Variants in PPP1R17 observed in about 807,000 individuals in gnomAD.
PPP1R17 encodes protein phosphatase 1 regulatory subunit 17.
PPP1R17 carries 12 observed loss-of-function variants against 15.9 expected under a neutral mutation model. That is an observed-to-expected ratio of 0.75 (90% CI 0.48 to 1.22). The LOEUF is 1.22. Among genes scored for constraint, PPP1R17 ranks in the 50% most tolerant of loss-of-function variants. The pLI is 0.00. For missense variants in PPP1R17, 211 were observed against 187.3 expected, an observed-to-expected ratio of 1.13 and a Z score of -0.74; for synonymous variants, 63 against 64.5, an observed-to-expected ratio of 0.98 and a Z score of 0.11.
rs1430118763 is a variant in PPP1R17, at chr7:31,687,251, G to A, written c.-92G>A. The A allele has an allele frequency of 6.6e-6, 1 of 152,432 alleles. No individual in the cohort carries two copies. The highest frequency in any genetic ancestry group is 1.5e-5 in the Non-Finnish European group (1 of 68,220). 9.4% of individuals were successfully genotyped at this position (152,432 alleles called of 1,614,324 possible). On this transcript the variant is annotated 5_prime_UTR_variant, in exon 1 of 5. Transcript: ENST00000342032. ...CAGAGGAGCCAGGCCCAGCCTCGGT[G>A]AGCACACACGCCCTCCCTGTCTCTC...
chr7:31,696,007 G>C (rs1054170449), intron 3 of PPP1R17: 7 of 155,208 alleles, frequency 4.5e-5, no homozygotes, highest in Non-Finnish European at 8.5e-5. Flanking sequence ...GAGGTAGACA[G>C]AGTGGAGGAC....
intron 2 of PPP1R17, among the ~76,000 whole-genome samples, chr7:31,693,906 T>A (rs1277567527): frequency 3.9e-5 from 6 of 152,212 alleles, no homozygotes; most frequent in Non-Finnish European, 8.8e-5. Context: ...CTTATTCATA[T>A]CTGTAGATCT....
chr7:31,693,781 AAGAG>A (rs1285244465), intron 2 of PPP1R17, among the ~76,000 whole-genome samples: 2 of 152,222 alleles, frequency 1.3e-5, no homozygotes, highest in East Asian at 1.9e-4. Flanking sequence ...TTTAGTAAGA[AAGAG>A]AGAAATTTAC....
At chr7:31,696,529 C>CGG (rs1253986513) in intron 3 of PPP1R17, among the ~76,000 whole-genome samples, 1 of 152,056 alleles carries the variant, frequency 6.6e-6, no homozygotes, top group Non-Finnish European at 1.5e-5. Context: ...AGCAGGAGGG[C>CGG]GGAGGTATCA....
intron 4 of PPP1R17, among the ~76,000 whole-genome samples, chr7:31,702,814 C>T (rs1009428123): frequency 2.0e-5 from 3 of 152,168 alleles, no homozygotes; most frequent in Non-Finnish European, 2.9e-5. Flanking sequence ...GATGTTTTAT[C>T]TGGCAATCAC....
chr7:31,697,254 C>A, intron 4 of PPP1R17, 137 bp downstream of exon 4: 1 of 1,060,460 alleles, frequency 9.4e-7, no homozygotes, highest in Non-Finnish European at 1.3e-6. Context: ...GGGGAGAAGC[C>A]ACACTCAGTG....
At chr7:31,705,773 T>A (rs1483854250) in intron 4 of PPP1R17, among the ~76,000 whole-genome samples, 6 of 151,944 alleles carry the variant, frequency 3.9e-5, no homozygotes, top group African/African-American at 1.5e-4. Context: ...AAGGAGGCAG[T>A]GCGAGGCAGT....
intron 3 of PPP1R17, chr7:31,696,204 G>C (rs1237200403): frequency 6.6e-6 from 1 of 152,186 alleles, no homozygotes; most frequent in Non-Finnish European, 1.5e-5. Flanking sequence ...TCAAAGTTTT[G>C]CCTTGTTTTG....
rs141313463 is a variant in PPP1R17 at position 31,697,103 on chromosome 7, C to G, written c.374C>G (p.Ser125Cys). 8 of 1,613,966 alleles carry G rather than the reference C, an allele frequency of 5.0e-6. No individual in the cohort carries two copies. The African/African-American group carries it at 9.3e-5, about 19-fold the overall frequency. ...RRKDTPALHMSPFAAGVTLLR... is the reference protein window; with the variant it reads ...RRKDTPALHMCPFAAGVTLLR... ...AAAGACACACCTGCCCTGCACATGT[C>G]CCCCTTTGCAGCAGGTAAAAAAGCT... Residue 125 changes from serine (S) to cysteine (C), a missense_variant, in exon 4 of 5, where the codon TCC becomes TGC. Transcript: ENST00000342032.
chr7:31,688,487 T>C (rs1792202470), intron 1 of PPP1R17, among the ~76,000 whole-genome samples: 1 of 152,232 alleles, frequency 6.6e-6, no homozygotes, highest in South Asian at 2.1e-4. Flanking sequence ...ACTAATGTGT[T>C]TCAGCTCCGC....
At chr7:31,690,903 C>T (rs751180691) in intron 1 of PPP1R17, among the ~76,000 whole-genome samples, 3 of 152,064 alleles carry the variant, frequency 2.0e-5, no homozygotes, top group Admixed American at 6.5e-5. Context: ...GGGTAATTTT[C>T]AACATAATAT....
chr7:31,690,000 A>G (rs1792272701), intron 1 of PPP1R17, among the ~76,000 whole-genome samples: 1 of 152,180 alleles, frequency 6.6e-6, no homozygotes, highest in African/African-American at 2.4e-5. Flanking sequence ...TGGAGGAAGC[A>G]TGTGTCAGTT....
intron 4 of PPP1R17, among the ~76,000 whole-genome samples, chr7:31,699,783 TTTA>T (rs907004299): frequency 3.3e-5 from 5 of 152,160 alleles, no homozygotes; most frequent in Admixed American, 1.3e-4. Flanking sequence ...TGTTTAGAAT[TTTA>T]TTATTATTAT....
At chr7:31,706,300 C>T (rs1456701075) in intron 4 of PPP1R17, among the ~76,000 whole-genome samples, 1 of 151,912 alleles carries the variant, frequency 6.6e-6, no homozygotes, top group Non-Finnish European at 1.5e-5. Context: ...CCACCACACC[C>T]GGCCCAGTAA....
In PPP1R17 at chr7:31,707,382, G is replaced by A. The variant is rs1044849065; in HGVS notation, c.*99G>A. ...TGTTTCTGCTCTCATTTTTGTCATC[G>A]TCTGACTTGAAGATTCAGACACCTT... is the stretch of plus-strand genomic sequence containing the variant. On this transcript the variant is annotated 3_prime_UTR_variant, in exon 5 of 5. Transcript: ENST00000342032. 28 of 1,049,834 alleles carry A rather than the reference G, an allele frequency of 2.7e-5. No homozygotes were observed. The Admixed American group carries it at 3.9e-4, about 15-fold the overall frequency. 65.0% of individuals were successfully genotyped at this position (1,049,834 alleles called of 1,614,324 possible). A position where few individuals can be genotyped will look rare whatever the true frequency, so the allele number is the denominator to read the frequency against.
intron 4 of PPP1R17, among the ~76,000 whole-genome samples, chr7:31,705,905 T>C (rs1793046075): frequency 1.3e-5 from 2 of 151,094 alleles, no homozygotes; most frequent in African/African-American, 4.9e-5. Flanking sequence ...AGCAGAACCA[T>C]GTGGCCCTTC....
chr7:31,692,433 C>G lies in PPP1R17; in HGVS notation c.-9C>G, dbSNP rs138575100. 3.1e-6 allele frequency: 5 copies of G among 1,597,076 alleles called. 1 individual carries two copies. Among genetic ancestry groups the G allele is most frequent in the Middle Eastern group, 3.3e-4 (2 of 6,060 alleles). ...CTGGAGAAGAAATACATCCACCCAC[C>G]CTCCTTTGATGATGTCCACTGAGCA... On this transcript the variant is annotated 5_prime_UTR_variant, in exon 2 of 5. Coordinates refer to ENST00000342032, the MANE Select transcript of PPP1R17 (RefSeq NM_006658.5).
rs1554308286 is a variant in PPP1R17, at chr7:31,696,937, T to C, written c.236-28T>C. The C allele has an allele frequency of 3.7e-6, 6 of 1,609,928 alleles. No individual in the cohort carries two copies. In the South Asian group the frequency reaches 6.6e-5, roughly 18 times the overall value. ...TTAGGATATATGTATTTGATCCTGTTTCTCTCTGTGTTCCCCTAACCATGC... is the reference window on the plus strand; with the variant it reads ...TTAGGATATATGTATTTGATCCTGTCTCTCTCTGTGTTCCCCTAACCATGC... On this transcript the variant is annotated intron_variant, in intron 3 of 4. Coordinates refer to ENST00000342032, the MANE Select transcript of PPP1R17 (RefSeq NM_006658.5).
intron 4 of PPP1R17, among the ~76,000 whole-genome samples, chr7:31,702,513 C>T (rs530703226): frequency 6.6e-6 from 1 of 152,198 alleles, no homozygotes; most frequent in African/African-American, 2.4e-5. Context: ...TCAGCCAGCT[C>T]GAAGCCTCTG....
Sources: allele counts gnomAD v4.1 joint callset (sites outside exome capture counted in the v4.1 genomes callset), GRCh38; gene constraint gnomAD v4.1.1; transcripts MANE v1.5; gene names NCBI Gene and HGNC (gene_info 2026-07-23, HGNC 2026-07-21).